Variants in THRB observed in about 807,000 individuals in gnomAD.
The protein encoded by THRB is thyroid hormone receptor beta.
THRB carries 12 observed loss-of-function variants against 47.8 expected under a neutral mutation model. The ratio of observed to expected loss-of-function variants is 0.25; its 90% CI spans 0.16 to 0.41. The LOEUF is 0.41. THRB is among the 10% of genes least tolerant of loss of function. THRB has a pLI of 1.00. For missense variants in THRB, 348 were observed against 589.2 expected (o/e 0.59, Z 4.24); for synonymous variants, 218 against 212.2 (o/e 1.03, Z -0.24).
chr3:24,439,043 G>A (rs1042340578), intron 1 of THRB, among the ~76,000 whole-genome samples: 2 of 152,168 alleles, frequency 1.3e-5, no homozygotes, highest in African/African-American at 2.4e-5. Flanking sequence ...GAGCTCTGGG[G>A]TGTAAATCAC....
intron 5 of THRB, among the ~76,000 whole-genome samples, chr3:24,161,616 G>GC (rs2038830044): frequency 3.7e-5 from 1 of 26,864 alleles, no homozygotes; most frequent in Non-Finnish European, 8.9e-5. Context: ...CAGAGCTACA[G>GC]AACACACACA....
At chr3:24,432,175 A>G (rs2070496022) in intron 1 of THRB, among the ~76,000 whole-genome samples, 2 of 152,110 alleles carry the variant, frequency 1.3e-5, no homozygotes, top group Non-Finnish European at 2.9e-5. Flanking sequence ...TATAAGATGT[A>G]CATTTATTCA....
At chr3:24,413,736 G>T (rs913795059) in intron 1 of THRB, among the ~76,000 whole-genome samples, 2 of 151,492 alleles carry the variant, frequency 1.3e-5, no homozygotes, top group African/African-American at 4.8e-5. Flanking sequence ...CCCACGACAG[G>T]CCCCAGTGTG....
At chr3:24,332,290 T>C (rs935187983) in intron 2 of THRB, among the ~76,000 whole-genome samples, 4 of 152,224 alleles carry the variant, frequency 2.6e-5, no homozygotes, top group Non-Finnish European at 5.9e-5. Flanking sequence ...TAAAGCCATA[T>C]GCTAAGAATA....
At chr3:24,210,844 C>T (rs2045947061) in intron 4 of THRB, among the ~76,000 whole-genome samples, 1 of 152,168 alleles carries the variant, frequency 6.6e-6, no homozygotes, top group Admixed American at 6.5e-5. Flanking sequence ...AAGTCAGCTT[C>T]AATCAATGGA....
Position 24,279,646 on chromosome 3 carries a change from C to T in THRB, c.-43+17580G>A, listed in dbSNP as rs140876396. ...TCCTGACCTCGTGATCCACCTGACTCGGCCTCCCAAAGTGCTGGGATTACA... is the reference window on the plus strand; with the variant it reads ...TCCTGACCTCGTGATCCACCTGACTTGGCCTCCCAAAGTGCTGGGATTACA... On this transcript the variant is annotated intron_variant, in intron 3 of 10. Transcript: ENST00000646209. 5.7e-4 allele frequency among the ~76,000 whole-genome samples: 86 copies of T among 151,224 alleles called. 1 individual carries two copies. Among genetic ancestry groups the T allele is most frequent in the Admixed American group, 1.4e-3 (22 of 15,202 alleles).
intron 5 of THRB, among the ~76,000 whole-genome samples, chr3:24,156,514 C>A (rs779498877): frequency 6.6e-6 from 1 of 152,162 alleles, no homozygotes; most frequent in Non-Finnish European, 1.5e-5. Flanking sequence ...TCCAAACTGG[C>A]AAATCTTATC....
At chr3:24,437,183 A>G (rs2071053669) in intron 1 of THRB, among the ~76,000 whole-genome samples, 2 of 149,722 alleles carry the variant, frequency 1.3e-5, no homozygotes, top group South Asian at 4.2e-4. Context: ...GTATATATAT[A>G]TATAATGAAA....
intron 1 of THRB, among the ~76,000 whole-genome samples, chr3:24,362,476 TC>T: frequency 6.6e-6 from 1 of 152,110 alleles, no homozygotes; most frequent in East Asian, 1.9e-4. Flanking sequence ...AAATTGCATT[TC>T]CCCATTCCTA....
Position 24,493,469 on chromosome 3 carries a change from A to G in THRB, c.-261+1183T>C, listed in dbSNP as rs1698497702. Among the ~76,000 whole-genome samples, 12 of 152,224 alleles carry G rather than the reference A, an allele frequency of 7.9e-5. No homozygotes were observed. In the South Asian group the frequency reaches 2.5e-3, roughly 32 times the overall value. On this transcript the variant is annotated intron_variant, in intron 1 of 10. Coordinates refer to ENST00000646209, the MANE Select transcript of THRB (RefSeq NM_001354712.2). ...TGTGCTTGATATTAATACACTGTGC[A>G]AGGAATGCTTAATTTCTTGAACTTC...
At chr3:24,426,457 G>T (rs979949015) in intron 1 of THRB, among the ~76,000 whole-genome samples, 1 of 151,848 alleles carries the variant, frequency 6.6e-6, no homozygotes, top group South Asian at 2.1e-4. Flanking sequence ...AATGTGAAGG[G>T]CAGGAAAACC....
intron 9 of THRB, among the ~76,000 whole-genome samples, chr3:24,130,516 G>T (rs568742975): frequency 1.3e-4 from 20 of 152,218 alleles, no homozygotes; most frequent in African/African-American, 4.6e-4. Flanking sequence ...AGTTGTAGGG[G>T]TGACAGACTC....
At chr3:24,310,370 GAGA>G (rs1256410254) in intron 2 of THRB, among the ~76,000 whole-genome samples, 1 of 152,202 alleles carries the variant, frequency 6.6e-6, no homozygotes, top group African/African-American at 2.4e-5. Flanking sequence ...AAACAGAAGA[GAGA>G]AGACTTCCCT....
At chr3:24,233,221 C>G (rs1257228957) in intron 3 of THRB, among the ~76,000 whole-genome samples, 2 of 152,184 alleles carry the variant, frequency 1.3e-5, no homozygotes, top group Admixed American at 6.5e-5. Context: ...ATTATCAACA[C>G]TTAGTAAATA....
intron 5 of THRB, among the ~76,000 whole-genome samples, chr3:24,181,980 T>C (rs991534588): frequency 1.3e-5 from 2 of 152,110 alleles, no homozygotes; most frequent in African/African-American, 4.8e-5. Context: ...GGTGGGCGGA[T>C]CACGAGTTCA....
chr3:24,189,203 T>G (rs1321504484), intron 5 of THRB, among the ~76,000 whole-genome samples: 1 of 152,074 alleles, frequency 6.6e-6, no homozygotes, highest in East Asian at 1.9e-4. Flanking sequence ...TATATGATTG[T>G]GAGATTTTCA....
At chr3:24,322,700 A>G (rs950256944) in intron 2 of THRB, among the ~76,000 whole-genome samples, 20 of 152,120 alleles carry the variant, frequency 1.3e-4, no homozygotes, top group Non-Finnish European at 5.9e-5. Flanking sequence ...TTTCTTTTCC[A>G]TTGTTATTAT....
At chr3:24,241,939 T>C (rs1365179755) in intron 3 of THRB, among the ~76,000 whole-genome samples, 2 of 152,118 alleles carry the variant, frequency 1.3e-5, no homozygotes, top group East Asian at 3.9e-4. Flanking sequence ...TTAGAAGGTC[T>C]TCAAAAGGTA....
Position 24,196,213 on chromosome 3 carries a change from TCA to T in THRB, c.23-5881_23-5880del, listed in dbSNP as rs538834888. 1.5e-3 allele frequency among the ~76,000 whole-genome samples: 233 copies of T among 152,254 alleles called. 1 individual carries two copies. Among genetic ancestry groups the T allele is most frequent in the African/African-American group, 5.5e-3 (229 of 41,546 alleles). On this transcript the variant is annotated intron_variant, in intron 4 of 10. Coordinates refer to ENST00000646209, the MANE Select transcript of THRB (RefSeq NM_001354712.2). Reference sequence around the variant, plus strand: ...AAAACCTGACCTGACCTTCTATAGTTCAGTTAAAGTTGCTTCTGGTTGCCAAG... The same window carrying T: ...AAAACCTGACCTGACCTTCTATAGTTGTTAAAGTTGCTTCTGGTTGCCAAG...
Sources: gnomAD v4.1 joint callset for allele counts (sites outside exome capture counted in the v4.1 genomes callset) on GRCh38, gnomAD v4.1.1 for gene constraint, MANE v1.5 for transcripts, NCBI Gene and HGNC (gene_info 2026-07-23, HGNC 2026-07-21) for gene names.